LRRC24: variants seen among roughly 807,000 people sequenced by gnomAD.
The protein encoded by LRRC24 is leucine rich repeat containing 24.
Under a neutral mutation model 15.3 loss-of-function variants are expected in LRRC24, and 19 were observed. The observed-to-expected ratio is 1.25, with a 90% CI of 0.87 to 1.83. LRRC24 has a LOEUF of 1.83. Among genes scored for constraint, LRRC24 ranks in the 40% most tolerant of loss-of-function variants. The pLI, the probability that LRRC24 is intolerant of heterozygous loss-of-function variation, is 0.00. For missense variants in LRRC24, 914 were observed against 723.9 expected (o/e 1.26, Z -3.01); for synonymous variants, 469 against 359.6 (o/e 1.30, Z -3.44).
Position 144,522,951 on chromosome 8 carries a change from C to G in LRRC24, c.1066G>C (p.Val356Leu), listed in dbSNP as rs754245201. The G allele has an allele frequency of 1.9e-6, 3 of 1,571,546 alleles. No homozygotes were observed. The highest frequency in any genetic ancestry group is 2.3e-5 in the South Asian group (2 of 88,314). ...GCGTTGACCAGGAGCCGGAAGGGCACGCGGGCAGCGCCGCCGGCGTTGGAG... is the reference window on the plus strand; with the variant it reads ...GCGTTGACCAGGAGCCGGAAGGGCAGGCGGGCAGCGCCGCCGGCGTTGGAG... ...EASNAGGAAR[V>L]PFRLLVNASR... The change falls in exon 5 of 5, where the codon GTG becomes CTG. Residue 356 changes from valine (V) to leucine (L), a missense_variant. Coordinates refer to ENST00000529415, the MANE Select transcript of LRRC24 (RefSeq NM_001024678.4).
At position 144,523,420 on chromosome 8, in the gene LRRC24, G is replaced by A. The variant is rs1040938711; in HGVS notation, c.608-11C>T. On this transcript the variant is annotated splice_polypyrimidine_tract_variant and intron_variant, in intron 4 of 4. Transcript: ENST00000529415. ...AGCGCCATGGGTTCTCTGTGGGAGA[G>A]CAGCGTTAGGCAGGTGGCTTGAGGG... 4 of 1,515,114 alleles carry A rather than the reference G, an allele frequency of 2.6e-6. No homozygotes were observed. The African/African-American group carries it at 4.2e-5, about 16-fold the overall frequency. The allele number at this position is 1,515,114 out of a possible 1,614,324, so 93.9% of individuals were successfully genotyped here. A position where few individuals can be genotyped will look rare whatever the true frequency, so the allele number is the denominator to read the frequency against.
chr8:144,522,897 G>A lies in LRRC24; in HGVS notation c.1120C>T (p.Gln374Ter). Residue 374 changes from glutamine to a stop codon, truncating the protein, a stop_gained, in exon 5 of 5, where the codon CAA (glutamine) becomes TAA (stop). Coordinates refer to ENST00000529415, the MANE Select transcript of LRRC24 (RefSeq NM_001024678.4). LOFTEE classifies it low-confidence loss of function (END_TRUNC). ...GGGCGGGCGGCCGGAGGCGGCGGTTGCGCGGGCTGCTGCGGCTGCTGCCGG... is the reference window on the plus strand; with the variant it reads ...GGGCGGGCGGCCGGAGGCGGCGGTTACGCGGGCTGCTGCGGCTGCTGCCGG... ...ASRQQPQQPA[Q>*]PPPPAARPAG... 1.5e-6 allele frequency: 2 copies of A among 1,300,950 alleles called. No homozygotes were observed. The highest frequency in any genetic ancestry group is 2.5e-5 in the South Asian group (1 of 39,410). 80.6% of individuals were successfully genotyped at this position (1,300,950 alleles called of 1,614,324 possible).
In LRRC24 at chr8:144,524,240, C is replaced by G; in HGVS notation, c.477G>C (p.Glu159Asp). Reference protein sequence around the residue: ...QELHLQENSIELLEDQALAGL... With the variant: ...QELHLQENSIDLLEDQALAGL... Reference sequence around the variant, plus strand: ...CCGCTAGAGCCTGGTCCTCCAGCAGCTCAATGCTGTTTTCTTGCAGGTGAA... The same window carrying G: ...CCGCTAGAGCCTGGTCCTCCAGCAGGTCAATGCTGTTTTCTTGCAGGTGAA... The change falls in exon 4 of 5, where the codon GAG (glutamate) becomes GAC (aspartate). Residue 159 changes from glutamate (E) to aspartate (D), a missense_variant. By Grantham distance (45) the Glu-to-Asp change is conservative (BLOSUM62 2). Transcript: ENST00000529415. 1 of 1,612,606 alleles carries G rather than the reference C, an allele frequency of 6.2e-7. No homozygotes were observed. The highest frequency in any genetic ancestry group is 8.5e-7 in the Non-Finnish European group (1 of 1,179,964).
intron 1 of LRRC24, 89 bp from the exon 2 acceptor site, chr8:144,525,122 G>A (rs9071): frequency 0.49 from 385,053 of 793,018 alleles, 96,068 homozygotes; most frequent in African/African-American, 0.65. Flanking sequence ...AACTTTTGAC[G>A]CTATAAATAG....
Position 144,524,545 on chromosome 8 carries a change from C to T in LRRC24, c.334G>A (p.Gly112Ser), listed in dbSNP as rs1245780314. 6.3e-6 allele frequency: 10 copies of T among 1,582,410 alleles called. No homozygotes were observed. The highest frequency in any genetic ancestry group is 1.7e-6 in the Non-Finnish European group (2 of 1,172,776). Residue 112 changes from glycine (G) to serine (S), a missense_variant, in exon 3 of 5, where the codon GGC becomes AGC. Physicochemically the swap from Gly to Ser is moderately conservative, Grantham distance 56. Transcript: ENST00000529415. Reference protein sequence around the residue: ...ELALTSNRLRGLRSGAFVGLA... With the variant: ...ELALTSNRLRSLRSGAFVGLA... ...CCTACGAAGGCGCCGCTGCGCAAGCCGCGCAGCCGGTTGCTAGTGAGCGCC... is the reference window on the plus strand; with the variant it reads ...CCTACGAAGGCGCCGCTGCGCAAGCTGCGCAGCCGGTTGCTAGTGAGCGCC...
chr8:144,522,522 G>T lies in LRRC24; in HGVS notation c.1495C>A (p.Pro499Thr), dbSNP rs532519276. ...ACCGGCGGGGGCACGCGGAGTCCCGGCCCCGCCCCCTGTTCCGGGCCGCAG... is the reference window on the plus strand; with the variant it reads ...ACCGGCGGGGGCACGCGGAGTCCCGTCCCCGCCCCCTGTTCCGGGCCGCAG... ...ADCGPEQGAG[P>T]GLRVPPPVAY... Residue 499 changes from proline (P) to threonine (T), a missense_variant, in exon 5 of 5, where the codon CCG becomes ACG. Transcript: ENST00000529415. The T allele has an allele frequency of 2.6e-6, 4 of 1,513,554 alleles. No homozygotes were observed. Among genetic ancestry groups the T allele is most frequent in the African/African-American group, 2.9e-5 (2 of 69,632 alleles). 93.8% of individuals were successfully genotyped at this position (1,513,554 alleles called of 1,614,324 possible).
chr8:144,525,059 C>T (rs1256631634), intron 1 of LRRC24, 26 bp from the exon 2 acceptor site: 6 of 1,352,408 alleles, frequency 4.4e-6, no homozygotes, highest in Non-Finnish European at 5.7e-6. Context: ...GCAGGCCAGT[C>T]TCGGCAGTCG....
chr8:144,523,667 C>T (rs746789138), intron 4 of LRRC24: 24 of 474,054 alleles, frequency 5.1e-5, no homozygotes, highest in Admixed American at 7.8e-5. Flanking sequence ...GAGAAAGCAC[C>T]TGCTCCTTAA....
rs746630913 is a variant in LRRC24, at chr8:144,522,967, G to C, written c.1050C>G (p.Ala350=). ...GGAAGGGCACGCGGGCAGCGCCGCC[G>C]GCGTTGGAGGCCTCGCACTCGTACT... The part of the protein sequence containing the change: ...AGKYECEASN[A]GGAARVPFRL... The change falls in exon 5 of 5, where the codon GCC becomes GCG. Residue 350 remains alanine, a synonymous_variant. Transcript: ENST00000529415. 6.3e-7 allele frequency: 1 copy of C among 1,580,678 alleles called. No individual in the cohort carries two copies. Among genetic ancestry groups the C allele is most frequent in the East Asian group, 2.3e-5 (1 of 42,906 alleles).
At position 144,523,051 on chromosome 8, in the gene LRRC24, T is replaced by A; in HGVS notation, c.966A>T (p.Ala322=). The part of the protein sequence containing the change: ...GGLLGLGGHS[A]SDTGSGMLFL... Reference sequence around the variant, plus strand: ...AGAGCATGCCGCTGCCCGTGTCGGATGCCGAGTGTCCGCCCAGGCCCAGCA... The same window carrying A: ...AGAGCATGCCGCTGCCCGTGTCGGAAGCCGAGTGTCCGCCCAGGCCCAGCA... Residue 322 remains alanine, a synonymous_variant, in exon 5 of 5, where the codon GCA becomes GCT. Transcript: ENST00000529415. The A allele has an allele frequency of 6.2e-7, 1 of 1,603,824 alleles. No individual in the cohort carries two copies. The highest frequency in any genetic ancestry group is 8.5e-7 in the Non-Finnish European group (1 of 1,176,954).
chr8:144,522,926 G>T lies in LRRC24; in HGVS notation c.1091C>A (p.Ala364Glu). The T allele has an allele frequency of 6.7e-7, 1 of 1,500,846 alleles. No homozygotes were observed. Among genetic ancestry groups the T allele is most frequent in the Non-Finnish European group, 8.8e-7 (1 of 1,134,680 alleles). The allele number at this position is 1,500,846 out of a possible 1,614,324, so 93.0% of individuals were successfully genotyped here. Residue 364 changes from alanine to glutamate, a missense_variant, in exon 5 of 5, where the codon GCG becomes GAG. Transcript: ENST00000529415. ...GGGCTGCTGCGGCTGCTGCCGGGACGCGTTGACCAGGAGCCGGAAGGGCAC... is the reference window on the plus strand; with the variant it reads ...GGGCTGCTGCGGCTGCTGCCGGGACTCGTTGACCAGGAGCCGGAAGGGCAC... The part of the protein sequence containing the change: ...ARVPFRLLVN[A>E]SRQQPQQPAQ...
rs377306762 is a variant in LRRC24, at chr8:144,522,580, G to A, written c.1437C>T (p.Leu479=). 6.4e-6 allele frequency: 10 copies of A among 1,551,970 alleles called. No homozygotes were observed. The South Asian group carries it at 8.3e-5, about 13-fold the overall frequency. Residue 479 remains leucine (L), a synonymous_variant, in exon 5 of 5, where the codon CTC becomes CTT. Coordinates refer to ENST00000529415, the MANE Select transcript of LRRC24 (RefSeq NM_001024678.4). The part of the protein sequence containing the change: ...EMFVINRSKP[L]FAEGPAEAPA... ...GCGCCTCCGCCGGACCCTCGGCGAA[G>A]AGCGGCTTGGAGCGGTTGATGACGA...
intron 1 of LRRC24, 107 bp from the exon 2 acceptor site, chr8:144,525,140 A>AAAC (rs1816316652): frequency 1.6e-6 from 1 of 628,242 alleles, no homozygotes; most frequent in East Asian, 3.4e-5. Flanking sequence ...TAGGTTCAAG[A>AAAC]AACTAATAAA....
Position 144,522,793 on chromosome 8 carries a change from C to G in LRRC24, c.1224G>C (p.Ala408=). The change falls in exon 5 of 5, where the codon GCG becomes GCC. Residue 408 remains alanine, a synonymous_variant. Coordinates refer to ENST00000529415, the MANE Select transcript of LRRC24 (RefSeq NM_001024678.4). ...TGAGCGCCAGCAGCGCGATGGCCGC[C>G]GCAATGGCCGTCTGTGTGGCCACGC... is the stretch of plus-strand genomic sequence containing the variant. ...ALGVATQTAI[A]AAIALLALTA... 1 of 1,545,758 alleles carries G rather than the reference C, an allele frequency of 6.5e-7. No individual in the cohort carries two copies. The highest frequency in any genetic ancestry group is 1.2e-5 in the South Asian group (1 of 84,138).
intron 4 of LRRC24, 42 bp from the exon 5 acceptor site, chr8:144,523,451 C>G: frequency 2.0e-6 from 3 of 1,501,442 alleles, no homozygotes; most frequent in Non-Finnish European, 2.7e-6. Flanking sequence ...GAGGGTGCTG[C>G]TAAAACAGCC....
At position 144,524,600 on chromosome 8, in the gene LRRC24, G is replaced by A. The variant is rs1816282311; in HGVS notation, c.279C>T (p.Ala93=). The A allele has an allele frequency of 6.5e-7, 1 of 1,527,998 alleles. No homozygotes were observed. Among genetic ancestry groups the A allele is most frequent in the Non-Finnish European group, 8.7e-7 (1 of 1,146,608 alleles). 94.7% of individuals were successfully genotyped at this position (1,527,998 alleles called of 1,614,324 possible). A position where few individuals can be genotyped will look rare whatever the true frequency, so the allele number is the denominator to read the frequency against. ...NNSLRALEAG[A]FRAQPRLLEL... is the part of the protein sequence containing the mutation. The stretch of plus-strand genomic sequence containing the variant: ...CCAGCAGGCGCGGCTGCGCGCGGAA[G>A]GCGCCGGCCTCCAGGGCGCGCAGGC... Residue 93 remains alanine (A), a synonymous_variant, in exon 3 of 5, where the codon GCC becomes GCT. Coordinates refer to ENST00000529415, the MANE Select transcript of LRRC24 (RefSeq NM_001024678.4).
rs771856616 is a variant in LRRC24 at position 144,524,268 on chromosome 8, T to G, written c.449A>C (p.Glu150Ala). ...FTFLHLPRLQ[E>A]LHLQENSIEL... ...AATGCTGTTTTCTTGCAGGTGAAGC[T>G]CCTGCAGTCGCTGAAGTAAGGACAG... Residue 150 changes from glutamate (E) to alanine (A), a missense_variant, in exon 4 of 5, where the codon GAG becomes GCG. By Grantham distance (107) the Glu-to-Ala change is moderately radical. Transcript: ENST00000529415. 1 of 1,612,008 alleles carries G rather than the reference T, an allele frequency of 6.2e-7. No homozygotes were observed.
At chr8:144,524,305 G>A (rs760661048) in intron 3 of LRRC24, 27 bp from the exon 4 acceptor site, 10 of 1,606,962 alleles carry the variant, frequency 6.2e-6, no homozygotes, top group Non-Finnish European at 8.5e-6. Flanking sequence ...AGATCGTGAG[G>A]AAAAAGGGCG....
intron 4 of LRRC24, chr8:144,523,632 A>C: frequency 1.8e-6 from 1 of 559,974 alleles, no homozygotes; most frequent in Non-Finnish European, 2.8e-6. Context: ...CCTGCCTGTT[A>C]CAGATCACTT....
Sources: allele counts gnomAD v4.1 joint callset, GRCh38; gene constraint gnomAD v4.1.1; transcripts MANE v1.5; gene names NCBI Gene and HGNC (gene_info 2026-07-23, HGNC 2026-07-21).